Variants in STAT5A observed in about 807,000 individuals in gnomAD.
STAT5A encodes the protein epididymis secretory sperm binding protein.
STAT5A carries 26 observed loss-of-function variants against 100.2 expected under a neutral mutation model. That is an observed-to-expected ratio of 0.26 (90% CI 0.19 to 0.36). The LOEUF is 0.36. Ranked by LOEUF, STAT5A falls within the 10% of genes least tolerant of loss-of-function variation. The pLI is 1.00. For synonymous variants in STAT5A, 330 were observed against 424.3 expected (o/e 0.78, Z 2.73); for missense variants, 634 against 1,027.5 (o/e 0.62, Z 5.24).
At chr17:42,303,651 G>C (rs911131541) in intron 9 of STAT5A, among the ~76,000 whole-genome samples, 16 of 151,616 alleles carry the variant, frequency 1.1e-4, no homozygotes, top group Non-Finnish European at 2.1e-4. Context: ...TGGAGGTTGT[G>C]GTGAGCTGAG....
At chr17:42,309,023 T>C (rs1368998347) in intron 16 of STAT5A, 24 bp from the exon 17 acceptor site, 2 of 1,614,200 alleles carry the variant, frequency 1.2e-6, no homozygotes, top group Non-Finnish European at 1.7e-6. Flanking sequence ...ACTTTGGTTC[T>C]CACCACTGTT....
At chr17:42,296,169 A>G (rs2080916299) in intron 5 of STAT5A, among the ~76,000 whole-genome samples, 1 of 152,160 alleles carries the variant, frequency 6.6e-6, no homozygotes, top group Non-Finnish European at 1.5e-5. Context: ...AATGGTATGT[A>G]TTCTGTAAAT....
chr17:42,308,483 G>A lies in STAT5A; in HGVS notation c.2062+150G>A. 2.9e-6 allele frequency: 3 copies of A among 1,022,028 alleles called. No individual in the cohort carries two copies. The highest frequency in any genetic ancestry group is 1.5e-5 in the South Asian group (1 of 64,678). The allele number at this position is 1,022,028 out of a possible 1,614,324, so 63.3% of individuals were successfully genotyped here. A position where few individuals can be genotyped will look rare whatever the true frequency, so the allele number is the denominator to read the frequency against. The stretch of plus-strand genomic sequence containing the variant: ...GTTTTGGCCCATGGGGTGGTGGAGA[G>A]GATTTCAGGGCTCACAAATGAGGAG... On this transcript the variant is annotated intron_variant, in intron 16 of 18. Coordinates refer to ENST00000590949, the MANE Select transcript of STAT5A (RefSeq NM_001288718.2). This position sits in a 1 kb window ranked among gnomAD's most constrained non-coding sequence, Gnocchi z 4.6.
intron 13 of STAT5A, 105 bp from the exon 14 acceptor site, chr17:42,307,297 T>C: frequency 8.9e-7 from 1 of 1,121,844 alleles, no homozygotes; most frequent in South Asian, 1.3e-5. Flanking sequence ...CAAGCAGGGG[T>C]GAAGAACTGG....
chr17:42,289,218 T>G, intron 1 of STAT5A, 184 bp from the exon 2 acceptor site: 16 of 549,046 alleles, frequency 2.9e-5, no homozygotes, highest in Non-Finnish European at 4.4e-5. Context: ...GGGTTCCTTG[T>G]TGGAGGGGAT....
Position 42,306,522 on chromosome 17 carries a change from C to T in STAT5A, c.1680+75C>T, listed in dbSNP as rs534968161. 57 of 1,551,844 alleles carry T rather than the reference C, an allele frequency of 3.7e-5. No individual in the cohort carries two copies. In the Admixed American group the frequency reaches 5.1e-4, roughly 14 times the overall value. The stretch of plus-strand genomic sequence containing the variant: ...GCTCCTCCACCTCACAGACAGGTTA[C>T]TGCCTGGGGCTAGCACCCCACTCTC... On this transcript the variant is annotated intron_variant, in intron 13 of 18. Transcript: ENST00000590949.
At chr17:42,298,133 C>T (rs1215991073) in intron 5 of STAT5A, among the ~76,000 whole-genome samples, 2 of 151,416 alleles carry the variant, frequency 1.3e-5, no homozygotes, top group Non-Finnish European at 2.9e-5. Context: ...CCTTGTGTTC[C>T]ACATCCCCTG....
chr17:42,308,549 T>C lies in STAT5A; in HGVS notation c.2062+216T>C. 1.6e-6 allele frequency: 1 copy of C among 634,938 alleles called. No homozygotes were observed. Among genetic ancestry groups the C allele is most frequent in the East Asian group, 2.9e-5 (1 of 34,966 alleles). The allele number at this position is 634,938 out of a possible 1,614,324, so 39.3% of individuals were successfully genotyped here. A position where few individuals can be genotyped will look rare whatever the true frequency, so the allele number is the denominator to read the frequency against. On this transcript the variant is annotated intron_variant, in intron 16 of 18. Coordinates refer to ENST00000590949, the MANE Select transcript of STAT5A (RefSeq NM_001288718.2). This position sits in a 1 kb window ranked among gnomAD's most constrained non-coding sequence, Gnocchi z 4.6. ...CGTCCCAGCTCTCTTCTCTGCAAAG[T>C]GAAAGCTGCATGGATTCTCACTTCT...
Position 42,305,705 on chromosome 17 carries a change from G to A in STAT5A, c.1473+3G>A. On this transcript the variant is annotated splice_donor_region_variant and intron_variant, in intron 12 of 18. Coordinates refer to ENST00000590949, the MANE Select transcript of STAT5A (RefSeq NM_001288718.2). ...GGGACAATGCCTTTGCTGAGCCGGT[G>A]AGTCCCCGTGGGAGCCCTACCCCAG... 6.2e-7 allele frequency: 1 copy of A among 1,613,912 alleles called. No individual in the cohort carries two copies. Among genetic ancestry groups the A allele is most frequent in the Non-Finnish European group, 8.5e-7 (1 of 1,179,970 alleles).
rs1393895625 is a variant in STAT5A at position 42,308,056 on chromosome 17, G to A, written c.1907-122G>A. The stretch of plus-strand genomic sequence containing the variant: ...CATCGGCTTTCTTCCCTACAGGCTG[G>A]GGCTGCAGCGCAAGCTACTATATAA... On this transcript the variant is annotated intron_variant, in intron 15 of 18. Transcript: ENST00000590949. The surrounding 1 kb of genome is among the most constrained non-coding windows in gnomAD (Gnocchi z 4.6). 9.7e-6 allele frequency: 13 copies of A among 1,346,874 alleles called. No individual in the cohort carries two copies. Among genetic ancestry groups the A allele is most frequent in the Non-Finnish European group, 1.3e-5 (13 of 987,560 alleles). The allele number at this position is 1,346,874 out of a possible 1,614,324, so 83.4% of individuals were successfully genotyped here. A position where few individuals can be genotyped will look rare whatever the true frequency, so the allele number is the denominator to read the frequency against.
Position 42,307,627 on chromosome 17 carries a change from C to T in STAT5A, c.1810C>T (p.His604Tyr). 1.2e-6 allele frequency: 2 copies of T among 1,614,042 alleles called. No homozygotes were observed. The highest frequency in any genetic ancestry group is 1.7e-6 in the Non-Finnish European group (2 of 1,180,006). Reference protein sequence around the residue: ...ILGFVNKQQAHDLLINKPDGT... With the variant: ...ILGFVNKQQAYDLLINKPDGT... ...AGGTTTTGTGAATAAGCAACAGGCCCACGACCTGCTCATCAACAAGCCCGA... is the reference window on the plus strand; with the variant it reads ...AGGTTTTGTGAATAAGCAACAGGCCTACGACCTGCTCATCAACAAGCCCGA... The change falls in exon 15 of 19, where the codon CAC (histidine) becomes TAC (tyrosine). Residue 604 changes from histidine (H) to tyrosine (Y), a missense_variant. Coordinates refer to ENST00000590949, the MANE Select transcript of STAT5A (RefSeq NM_001288718.2).
intron 3 of STAT5A, among the ~76,000 whole-genome samples, chr17:42,290,672 A>C (rs1048796019): frequency 2.6e-5 from 4 of 152,210 alleles, no homozygotes; most frequent in Admixed American, 2.6e-4. Flanking sequence ...GCAATATAGG[A>C]GGCCAGGGGC....
chr17:42,309,664 ACT>A, intron 18 of STAT5A, 180 bp downstream of exon 18: 1 of 573,750 alleles, frequency 1.7e-6, no homozygotes, highest in South Asian at 2.5e-5. Context: ...TCAAGTCCTC[ACT>A]CTAGTACTAA....
At chr17:42,292,604 C>T (rs1327167692) in intron 4 of STAT5A, among the ~76,000 whole-genome samples, 4 of 151,712 alleles carry the variant, frequency 2.6e-5, no homozygotes, top group East Asian at 3.9e-4. Flanking sequence ...GGGTTACAGG[C>T]GTGAGCCACC....
At chr17:42,293,145 A>G (rs923576044) in intron 4 of STAT5A, among the ~76,000 whole-genome samples, 1 of 152,244 alleles carries the variant, frequency 6.6e-6, no homozygotes, top group African/African-American at 2.4e-5. Flanking sequence ...GACGTGACAG[A>G]AATCTTAGAA....
chr17:42,309,373 G>C lies in STAT5A; in HGVS notation c.2115-4G>C. 1 of 1,612,386 alleles carries C rather than the reference G, an allele frequency of 6.2e-7. No individual in the cohort carries two copies. Among genetic ancestry groups the C allele is most frequent in the African/African-American group, 1.3e-5 (1 of 74,994 alleles). On this transcript the variant is annotated splice_region_variant and splice_polypyrimidine_tract_variant and intron_variant, in intron 17 of 18. Coordinates refer to ENST00000590949, the MANE Select transcript of STAT5A (RefSeq NM_001288718.2). ...GCTGAAGCTCTGTTCTCTTCCTTCTGCAGGTTTGTGAATGCATCTGCAGAT... is the reference window on the plus strand; with the variant it reads ...GCTGAAGCTCTGTTCTCTTCCTTCTCCAGGTTTGTGAATGCATCTGCAGAT...
chr17:42,289,773 C>G (rs1171557918), intron 2 of STAT5A, 93 bp from the exon 3 acceptor site: 2 of 1,440,490 alleles, frequency 1.4e-6, no homozygotes, highest in Non-Finnish European at 1.8e-6. Flanking sequence ...TGCCCTCGGT[C>G]ATGAGCCTGG....
In STAT5A at chr17:42,311,573, A is replaced by G. The variant is rs2081082668; in HGVS notation, c.*904A>G. ...AGGGTTGGTCCTCTTGCCTCCTGGA[A>G]AAAACAAAAACAAAAAACTGCAGTG... On this transcript the variant is annotated 3_prime_UTR_variant, in exon 19 of 19. Coordinates refer to ENST00000590949, the MANE Select transcript of STAT5A (RefSeq NM_001288718.2). The G allele has an allele frequency of 6.5e-6, 1 of 152,934 alleles. No individual in the cohort carries two copies. The highest frequency in any genetic ancestry group is 2.4e-5 in the African/African-American group (1 of 41,450). The allele number at this position is 152,934 out of a possible 1,614,324, so 9.5% of individuals were successfully genotyped here. A position where few individuals can be genotyped will look rare whatever the true frequency, so the allele number is the denominator to read the frequency against.
Position 42,307,574 on chromosome 17 carries a change from C to A in STAT5A, c.1776-19C>A. ...GTGGCTGTGGCCCAGTGGTGACGCT[C>A]AATGCTCCGTGCACCCAGGGCCATC... On this transcript the variant is annotated intron_variant, in intron 14 of 18. Coordinates refer to ENST00000590949, the MANE Select transcript of STAT5A (RefSeq NM_001288718.2). 1 of 1,614,060 alleles carries A rather than the reference C, an allele frequency of 6.2e-7. No individual in the cohort carries two copies. Among genetic ancestry groups the A allele is most frequent in the Non-Finnish European group, 8.5e-7 (1 of 1,179,986 alleles).
Sources: gnomAD v4.1 joint callset for allele counts (sites outside exome capture counted in the v4.1 genomes callset) on GRCh38, gnomAD v4.1.1 for gene constraint, Gnocchi (gnomAD v3.1) non-coding constraint, MANE v1.5 for transcripts, NCBI Gene and HGNC (gene_info 2026-07-23, HGNC 2026-07-21) for gene names.